WDPCP: variants seen among roughly 807,000 people sequenced by gnomAD.
WDPCP encodes the protein WD repeat containing planar cell polarity effector.
A neutral mutation model predicts 93.1 loss-of-function variants in WDPCP; 71 were observed. The observed-to-expected ratio is 0.76, with a 90% CI of 0.63 to 0.93. WDPCP has a LOEUF of 0.93. WDPCP is among the 40% of genes least tolerant of loss of function. WDPCP has a pLI of 0.00. For missense variants in WDPCP, 844 were observed against 887.4 expected, an observed-to-expected ratio of 0.95 and a Z score of 0.62; for synonymous variants, 315 against 315.0, an observed-to-expected ratio of 1.00 and a Z score of 0.00.
intron 9 of WDPCP, among the ~76,000 whole-genome samples, chr2:63,432,180 T>C (rs1696810975): frequency 6.6e-6 from 1 of 152,162 alleles, no homozygotes. Flanking sequence ...ACAGAGCTAA[T>C]AATATCAACT....
intron 2 of WDPCP, among the ~76,000 whole-genome samples, chr2:63,707,759 T>C (rs530721167): frequency 2.6e-5 from 4 of 152,346 alleles, no homozygotes; most frequent in African/African-American, 9.6e-5. Context: ...TTTGTGGTTT[T>C]ATCTACCTTT....
At chr2:63,449,577 A>C (rs1454294135) in intron 6 of WDPCP, among the ~76,000 whole-genome samples, 2 of 152,132 alleles carry the variant, frequency 1.3e-5, no homozygotes, top group African/African-American at 4.8e-5. Flanking sequence ...TAAGTCACAA[A>C]ACTTCAGCGG....
At chr2:63,338,429 G>T (rs1688552315) in intron 12 of WDPCP, among the ~76,000 whole-genome samples, 1 of 151,262 alleles carries the variant, frequency 6.6e-6, no homozygotes, top group Non-Finnish European at 1.5e-5. Flanking sequence ...ACGGGTGTGT[G>T]TAATTCCAGC....
intron 14 of WDPCP, among the ~76,000 whole-genome samples, chr2:63,255,335 G>A (rs1681045263): frequency 6.6e-6 from 1 of 152,134 alleles, no homozygotes; most frequent in Admixed American, 6.5e-5. Context: ...GAATTAAAAT[G>A]TCCTTATTTG....
intron 13 of WDPCP, among the ~76,000 whole-genome samples, chr2:63,291,675 G>T (rs1158108525): frequency 6.6e-6 from 1 of 152,114 alleles, no homozygotes; most frequent in Non-Finnish European, 1.5e-5. Flanking sequence ...TGGGCATGGT[G>T]GCTTATGCCT....
At chr2:63,634,606 G>A (rs1288227124) in intron 3 of WDPCP, among the ~76,000 whole-genome samples, 2 of 152,106 alleles carry the variant, frequency 1.3e-5, no homozygotes, top group Non-Finnish European at 2.9e-5. Flanking sequence ...CTCCAGGGTA[G>A]ATCATATGTC....
intron 12 of WDPCP, among the ~76,000 whole-genome samples, chr2:63,334,942 A>G (rs535225921): frequency 2.0e-5 from 3 of 152,160 alleles, no homozygotes; most frequent in African/African-American, 7.2e-5. Context: ...TACCCTGACA[A>G]TGTAAATTGA....
intron 1 of WDPCP, among the ~76,000 whole-genome samples, chr2:63,546,018 T>A (rs921995693): frequency 1.3e-5 from 2 of 152,128 alleles, no homozygotes; most frequent in Non-Finnish European, 2.9e-5. Context: ...TCCTAAGATC[T>A]GACAGCCATA....
intron 1 of WDPCP, among the ~76,000 whole-genome samples, chr2:63,826,225 A>G (rs1055874296): frequency 2.6e-5 from 4 of 151,790 alleles, no homozygotes; most frequent in African/African-American, 7.3e-5. Context: ...ACTGTATCCT[A>G]TTTTTTCTTT....
At chr2:63,228,122 A>C (rs1274331477) in intron 14 of WDPCP, among the ~76,000 whole-genome samples, 1 of 152,068 alleles carries the variant, frequency 6.6e-6, no homozygotes, top group African/African-American at 2.4e-5. Context: ...AAAAAAGTTT[A>C]CTTTTATCTT....
chr2:63,126,867 G>A (rs1054077159), intron 17 of WDPCP, among the ~76,000 whole-genome samples: 9 of 151,662 alleles, frequency 5.9e-5, no homozygotes, highest in South Asian at 4.2e-4. Context: ...TATTTTTGTA[G>A]AGACAAGGTC....
intron 14 of WDPCP, among the ~76,000 whole-genome samples, chr2:63,198,667 A>G (rs1423613313): frequency 5.3e-5 from 8 of 152,144 alleles, no homozygotes; most frequent in Non-Finnish European, 8.8e-5. Flanking sequence ...TCGCCCTTCA[A>G]CTTCTGCCAT....
intron 3 of WDPCP, chr2:63,606,144 G>A: frequency 2.0e-6 from 2 of 978,858 alleles, no homozygotes; most frequent in South Asian, 1.3e-5. Context: ...CACTTTGGAA[G>A]GGCAAGGTGG....
chr2:63,132,543 C>T (rs1670357806), intron 17 of WDPCP, among the ~76,000 whole-genome samples: 1 of 146,808 alleles, frequency 6.8e-6, no homozygotes, highest in Non-Finnish European at 1.5e-5. Context: ...CTTTTTGTAC[C>T]TCATACTAGA....
chr2:63,213,409 T>C (rs146249233), intron 14 of WDPCP, among the ~76,000 whole-genome samples: 24,214 of 152,150 alleles, frequency 0.16, 2,589 homozygotes, highest in Non-Finnish European at 0.21. Context: ...GAAATAAAGA[T>C]GTTCTTTGAA....
intron 3 of WDPCP, among the ~76,000 whole-genome samples, chr2:63,602,162 A>C: frequency 6.6e-6 from 1 of 152,226 alleles, no homozygotes; most frequent in South Asian, 2.1e-4. Context: ...ATTTTTAAGT[A>C]AACTTTTAAC....
At chr2:63,478,153 T>A (rs952817820) in intron 6 of WDPCP, among the ~76,000 whole-genome samples, 2 of 152,018 alleles carry the variant, frequency 1.3e-5, no homozygotes, top group Admixed American at 1.3e-4. Context: ...ATCCTAAACA[T>A]ATATGCACCT....
intron 12 of WDPCP, among the ~76,000 whole-genome samples, chr2:63,343,069 A>G (rs1688955832): frequency 6.6e-6 from 1 of 152,126 alleles, no homozygotes; most frequent in Non-Finnish European, 1.5e-5. Flanking sequence ...CAGTGGTGCC[A>G]TCTCAGCTCA....
intron 2 of WDPCP, among the ~76,000 whole-genome samples, chr2:63,750,148 T>C (rs1669859847): frequency 6.6e-6 from 1 of 152,118 alleles, no homozygotes; most frequent in African/African-American, 2.4e-5. Context: ...AATGGTATGT[T>C]ACCTCTGGGC....
Sources: gnomAD v4.1 joint callset for allele counts (sites outside exome capture counted in the v4.1 genomes callset) on GRCh38, gnomAD v4.1.1 for gene constraint, MANE v1.5 for transcripts, NCBI Gene and HGNC (gene_info 2026-07-23, HGNC 2026-07-21) for gene names.